The following SLC16A7 variants were observed in gnomAD, a reference collection of about 807,000 sequenced individuals.
SLC16A7 encodes solute carrier family 16 member 7.
A neutral mutation model predicts 34.9 loss-of-function variants in SLC16A7; 33 were observed. That is an observed-to-expected ratio of 0.94 (90% CI 0.72 to 1.26). SLC16A7 has a LOEUF of 1.26. SLC16A7 is among the 50% of genes most tolerant of loss of function. The probability of loss-of-function intolerance (pLI) is 0.00; values close to 1 mark genes in which losing one functional copy is unlikely to be tolerated. For missense variants in SLC16A7, 573 were observed against 578.1 expected, an observed-to-expected ratio of 0.99 and a Z score of 0.09; for synonymous variants, 201 against 206.6, an observed-to-expected ratio of 0.97 and a Z score of 0.23.
chr12:59,614,857 G>A (rs988725043), intron 1 of SLC16A7, among the ~76,000 whole-genome samples: 1 of 115,176 alleles, frequency 8.7e-6, no homozygotes, highest in Non-Finnish European at 1.8e-5. Context: ...AAAAAAATTA[G>A]CCAGGCGTGG....
chr12:59,754,840 T>C (rs1034341361), intron 3 of SLC16A7, among the ~76,000 whole-genome samples: 5 of 152,156 alleles, frequency 3.3e-5, no homozygotes, highest in African/African-American at 1.2e-4. Context: ...TTGATGAACA[T>C]TGATGCAAAA....
intron 2 of SLC16A7, among the ~76,000 whole-genome samples, chr12:59,686,926 G>A (rs1871205369): frequency 6.6e-6 from 1 of 152,014 alleles, no homozygotes; most frequent in African/African-American, 2.4e-5. Flanking sequence ...ATTGCTGAGA[G>A]TAGATTTTAA....
intron 2 of SLC16A7, among the ~76,000 whole-genome samples, chr12:59,674,995 A>G (rs1340410326): frequency 6.6e-6 from 1 of 152,174 alleles, no homozygotes; most frequent in Admixed American, 6.5e-5. Flanking sequence ...CTCAGCTCTC[A>G]GGTCATCTTA....
intron 3 of SLC16A7, among the ~76,000 whole-genome samples, chr12:59,747,657 G>A (rs1879037660): frequency 6.6e-6 from 1 of 152,182 alleles, no homozygotes; most frequent in African/African-American, 2.4e-5. Context: ...TGTCAAACAG[G>A]TTGAATCCAT....
intron 2 of SLC16A7, among the ~76,000 whole-genome samples, chr12:59,699,391 A>G (rs1872642343): frequency 6.6e-6 from 1 of 151,730 alleles, no homozygotes; most frequent in African/African-American, 2.4e-5. Flanking sequence ...GCAAATTAAA[A>G]CTACAATGAA....
rs373589268 is a variant in SLC16A7, at chr12:59,614,054, C to CTT, written c.-130+17833_-130+17834dup. Among the ~76,000 whole-genome samples the CTT allele has an allele frequency of 2.7e-3, 372 of 136,800 alleles. 1 individual carries two copies. The highest frequency in any genetic ancestry group is 8.6e-3 in the East Asian group (40 of 4,636). The allele number at this position is 136,800 out of a possible 152,430, so 89.7% of individuals were successfully genotyped here. A position where few individuals can be genotyped will look rare whatever the true frequency, so the allele number is the denominator to read the frequency against. On this transcript the variant is annotated intron_variant, in intron 1 of 5. Coordinates refer to ENST00000547379, the MANE Select transcript of SLC16A7 (RefSeq NM_001270623.2). ...CCAGATAGTCTATTGGAATGAGAGCCTTTTTTTTTTTTTTTTGACAGAGTC... is the reference window on the plus strand; with the variant it reads ...CCAGATAGTCTATTGGAATGAGAGCCTTTTTTTTTTTTTTTTTTGACAGAGTC...
chr12:59,666,911 G>A (rs374354569), intron 2 of SLC16A7, among the ~76,000 whole-genome samples: 2 of 152,156 alleles, frequency 1.3e-5, no homozygotes. Flanking sequence ...GAGTTTGGAG[G>A]TGTATTAGTC....
intron 2 of SLC16A7, among the ~76,000 whole-genome samples, chr12:59,677,486 G>A (rs1250019723): frequency 6.6e-6 from 1 of 152,034 alleles, no homozygotes; most frequent in Non-Finnish European, 1.5e-5. Context: ...AGTCTTTCAG[G>A]TCAAATATCT....
chr12:59,692,137 G>A (rs1304573585), intron 2 of SLC16A7, among the ~76,000 whole-genome samples: 1 of 151,912 alleles, frequency 6.6e-6, no homozygotes, highest in Non-Finnish European at 1.5e-5. Flanking sequence ...TTGGCTTGTG[G>A]TCACATCACT....
At chr12:59,654,916 A>G (rs923471911) in intron 1 of SLC16A7, among the ~76,000 whole-genome samples, 1 of 151,892 alleles carries the variant, frequency 6.6e-6, no homozygotes, top group African/African-American at 2.4e-5. Context: ...AGGTGCCATA[A>G]TTATAACATG....
intron 3 of SLC16A7, among the ~76,000 whole-genome samples, chr12:59,718,782 C>T (rs569426151): frequency 5.3e-5 from 8 of 152,208 alleles, no homozygotes; most frequent in African/African-American, 1.9e-4. Flanking sequence ...ATAAGTATCA[C>T]ATGATAATGC....
intron 5 of SLC16A7, among the ~76,000 whole-genome samples, chr12:59,777,706 G>A (rs576886265): frequency 7.9e-5 from 12 of 151,612 alleles, no homozygotes; most frequent in Admixed American, 2.6e-4. Context: ...ACAATGTGCA[G>A]GTTAGTTACA....
intron 3 of SLC16A7, among the ~76,000 whole-genome samples, chr12:59,712,732 C>T (rs11173119): frequency 0.028 from 4,225 of 152,186 alleles, 109 homozygotes; most frequent in African/African-American, 0.069. Context: ...GCAGTGTAAA[C>T]TATGTGGTCA....
intron 1 of SLC16A7, among the ~76,000 whole-genome samples, chr12:59,652,514 T>C (rs1868358564): frequency 6.6e-6 from 1 of 151,942 alleles, no homozygotes; most frequent in African/African-American, 2.4e-5. Context: ...TTGAAATAGC[T>C]GCTGGCCCTT....
chr12:59,682,289 G>T (rs959061231), intron 2 of SLC16A7, among the ~76,000 whole-genome samples: 1 of 152,104 alleles, frequency 6.6e-6, no homozygotes, highest in Non-Finnish European at 1.5e-5. Context: ...TTAAGTGCTA[G>T]TTTATATAAT....
chr12:59,611,936 T>C (rs1879212966), intron 1 of SLC16A7, among the ~76,000 whole-genome samples: 1 of 152,218 alleles, frequency 6.6e-6, no homozygotes, highest in East Asian at 1.9e-4. Context: ...AGGATACAGC[T>C]CCTGTCACAG....
intron 3 of SLC16A7, among the ~76,000 whole-genome samples, chr12:59,713,246 C>T (rs1289311451): frequency 2.0e-5 from 3 of 152,048 alleles, no homozygotes; most frequent in South Asian, 2.1e-4. Context: ...TCTCAAGCTC[C>T]CAACCTCAGG....
intron 4 of SLC16A7, among the ~76,000 whole-genome samples, chr12:59,773,064 G>A (rs1023469293): frequency 1.3e-5 from 2 of 151,332 alleles, no homozygotes; most frequent in African/African-American, 4.9e-5. Flanking sequence ...GAAGGCAAAA[G>A]TTCCAGGCGA....
intron 1 of SLC16A7, among the ~76,000 whole-genome samples, chr12:59,637,019 A>G (rs112813982): frequency 1.9e-4 from 29 of 152,260 alleles, no homozygotes; most frequent in African/African-American, 6.5e-4. Flanking sequence ...AAGAATAATC[A>G]GCTTCTACCC....
Sources: gnomAD v4.1 joint callset for allele counts (sites outside exome capture counted in the v4.1 genomes callset) on GRCh38, gnomAD v4.1.1 for gene constraint, MANE v1.5 for transcripts, NCBI Gene and HGNC (gene_info 2026-07-23, HGNC 2026-07-21) for gene names.